Variants in SLC39A11 observed in about 807,000 individuals in gnomAD.
SLC39A11 encodes zinc transporter ZIP11.
Under a neutral mutation model 36.1 loss-of-function variants are expected in SLC39A11, and 33 were observed. The ratio of observed to expected loss-of-function variants is 0.91; its 90% CI spans 0.69 to 1.22. The LOEUF is 1.22. SLC39A11 is among the 50% of genes most tolerant of loss of function. The probability of loss-of-function intolerance (pLI) is 0.00; values close to 1 mark genes in which losing one functional copy is unlikely to be tolerated. For missense variants in SLC39A11, 432 were observed against 430.3 expected (o/e 1.00, Z -0.03); for synonymous variants, 166 against 170.3 (o/e 0.97, Z 0.20).
chr17:72,938,926 C>T (rs2084927310), intron 5 of SLC39A11, among the ~76,000 whole-genome samples: 1 of 152,130 alleles, frequency 6.6e-6, no homozygotes, highest in Admixed American at 6.5e-5. Context: ...AACAAAGCAC[C>T]CCAGCAGCTG....
intron 3 of SLC39A11, among the ~76,000 whole-genome samples, chr17:73,065,979 G>A (rs181924444): frequency 3.3e-5 from 5 of 152,218 alleles, no homozygotes; most frequent in Non-Finnish European, 7.4e-5. Flanking sequence ...AAGGCACCTG[G>A]CACCAAAAAA....
At chr17:72,990,297 A>C (rs1252150926) in intron 4 of SLC39A11, among the ~76,000 whole-genome samples, 1 of 152,242 alleles carries the variant, frequency 6.6e-6, no homozygotes, top group Non-Finnish European at 1.5e-5. Flanking sequence ...AAAATGACCA[A>C]GAAAGAAGAA....
intron 6 of SLC39A11, among the ~76,000 whole-genome samples, chr17:72,743,977 C>T (rs1428772899): frequency 3.3e-5 from 5 of 152,154 alleles, no homozygotes; most frequent in Non-Finnish European, 2.9e-5. Flanking sequence ...AGCACCAAAG[C>T]GGAAGGAGCT....
chr17:73,018,564 G>T (rs2058244845), intron 4 of SLC39A11, among the ~76,000 whole-genome samples: 1 of 151,676 alleles, frequency 6.6e-6, no homozygotes, highest in South Asian at 2.1e-4. Context: ...AAACAATAAA[G>T]TAAAAATAAA....
chr17:72,947,615 G>A, intron 5 of SLC39A11, 137 bp downstream of exon 5: 1 of 1,263,908 alleles, frequency 7.9e-7, no homozygotes, highest in Non-Finnish European at 1.1e-6. Flanking sequence ...GCAGTAGTAG[G>A]GTGAGTGATT....
chr17:72,647,521 C>T lies in SLC39A11; in HGVS notation c.*63G>A. ...ATGTGAAGAAAGAAGCTTGTTGTCCCATAGAAGCCAACCACTGCTGTTTCT... is the reference window on the plus strand; with the variant it reads ...ATGTGAAGAAAGAAGCTTGTTGTCCTATAGAAGCCAACCACTGCTGTTTCT... On this transcript the variant is annotated 3_prime_UTR_variant, in exon 10 of 10. Coordinates refer to ENST00000255559, the MANE Select transcript of SLC39A11 (RefSeq NM_139177.4). 1 of 1,397,234 alleles carries T rather than the reference C, an allele frequency of 7.2e-7. No homozygotes were observed. Among genetic ancestry groups the T allele is most frequent in the Non-Finnish European group, 1.0e-6 (1 of 1,002,186 alleles). 86.6% of individuals were successfully genotyped at this position (1,397,234 alleles called of 1,614,324 possible). A position where few individuals can be genotyped will look rare whatever the true frequency, so the allele number is the denominator to read the frequency against.
intron 5 of SLC39A11, among the ~76,000 whole-genome samples, chr17:72,904,100 G>A (rs958830772): frequency 6.6e-6 from 1 of 152,172 alleles, no homozygotes; most frequent in African/African-American, 2.4e-5. Flanking sequence ...GAGGGCAGAT[G>A]ACACAGAAAC....
In SLC39A11 at chr17:73,060,125, G is replaced by A. The variant is rs540467926; in HGVS notation, c.147+24683C>T. ...CTGGGAGGCTAAGGCAGGAGAATTC[G>A]CCTGAAGCCGGGAGGCAGAAGTTGC... On this transcript the variant is annotated intron_variant, in intron 3 of 9. Transcript: ENST00000255559. 3.8e-4 allele frequency among the ~76,000 whole-genome samples: 56 copies of A among 148,410 alleles called. 1 individual carries two copies. Among genetic ancestry groups the A allele is most frequent in the South Asian group, 1.3e-3 (6 of 4,724 alleles).
intron 5 of SLC39A11, among the ~76,000 whole-genome samples, chr17:72,909,818 T>C (rs2082879923): frequency 6.6e-6 from 1 of 151,356 alleles, no homozygotes; most frequent in South Asian, 2.1e-4. Context: ...TGATCTCGGC[T>C]CACTGCAACC....
intron 7 of SLC39A11, among the ~76,000 whole-genome samples, chr17:72,672,318 G>A (rs534762853): frequency 9.2e-5 from 14 of 152,138 alleles, no homozygotes; most frequent in South Asian, 2.1e-4. Context: ...GCTTGGTGGC[G>A]TGCACCTCTA....
At chr17:73,012,798 A>ATATT (rs910886152) in intron 4 of SLC39A11, among the ~76,000 whole-genome samples, 3 of 151,724 alleles carry the variant, frequency 2.0e-5, no homozygotes, top group Admixed American at 1.3e-4. Flanking sequence ...TTAGAGCCAC[A>ATATT]TATTTATTTA....
intron 6 of SLC39A11, among the ~76,000 whole-genome samples, chr17:72,813,455 G>A (rs1346151979): frequency 6.6e-6 from 1 of 152,180 alleles, no homozygotes; most frequent in African/African-American, 2.4e-5. Context: ...ACCTTAGACT[G>A]TACTTGATTA....
intron 4 of SLC39A11, among the ~76,000 whole-genome samples, chr17:73,004,211 G>C (rs950455555): frequency 7.9e-6 from 1 of 126,974 alleles, no homozygotes; most frequent in Admixed American, 8.4e-5. Flanking sequence ...AAGAAAGAAA[G>C]AAAGAAAGAA....
intron 5 of SLC39A11, among the ~76,000 whole-genome samples, chr17:72,857,426 T>C (rs906697040): frequency 2.0e-5 from 3 of 152,252 alleles, no homozygotes; most frequent in African/African-American, 4.8e-5. Flanking sequence ...CCATTGTGAA[T>C]AGTGCTGCAA....
intron 4 of SLC39A11, among the ~76,000 whole-genome samples, chr17:72,987,719 C>T (rs61172383): frequency 0.37 from 56,091 of 151,954 alleles, 11,005 homozygotes; most frequent in East Asian, 0.75. Flanking sequence ...CTCTTCCACA[C>T]CAAGTCTTTC....
chr17:72,971,004 C>G (rs2087408841), intron 4 of SLC39A11, among the ~76,000 whole-genome samples: 1 of 152,184 alleles, frequency 6.6e-6, no homozygotes. Flanking sequence ...AGGCTGATCG[C>G]AGCAGCACCT....
intron 5 of SLC39A11, among the ~76,000 whole-genome samples, chr17:72,909,300 G>T (rs558370363): frequency 1.3e-5 from 2 of 152,202 alleles, no homozygotes; most frequent in Non-Finnish European, 2.9e-5. Flanking sequence ...GGTCCAGTAG[G>T]TATGAAGAAT....
At chr17:72,822,711 C>G (rs1029871415) in intron 6 of SLC39A11, among the ~76,000 whole-genome samples, 1 of 150,888 alleles carries the variant, frequency 6.6e-6, no homozygotes, top group African/African-American at 2.4e-5. Flanking sequence ...CAACCCTAAA[C>G]TTTTTTTCTT....
chr17:72,793,904 C>T lies in SLC39A11; in HGVS notation c.601+55730G>A, dbSNP rs941586474. Among the ~76,000 whole-genome samples, 36 of 152,224 alleles carry T rather than the reference C, an allele frequency of 2.4e-4. 1 individual carries two copies. Among genetic ancestry groups the T allele is most frequent in the Admixed American group, 5.9e-4 (9 of 15,292 alleles). ...CTGTATCCTTTCTCCCCCTTCACAG[C>T]AAGGCTGGGTTACAAATGACACAGC... On this transcript the variant is annotated intron_variant, in intron 6 of 9. Transcript: ENST00000255559.
Sources: allele counts gnomAD v4.1 joint callset (sites outside exome capture counted in the v4.1 genomes callset), GRCh38; gene constraint gnomAD v4.1.1; transcripts MANE v1.5; gene names NCBI Gene and HGNC (gene_info 2026-07-23, HGNC 2026-07-21).